Variants in DAB1 observed in about 807,000 individuals in gnomAD.
The protein encoded by DAB1 is DAB adaptor protein 1.
DAB1 carries 15 observed loss-of-function variants against 64.6 expected under a neutral mutation model. That is an observed-to-expected ratio of 0.23 (90% CI 0.16 to 0.36). The LOEUF (loss-of-function observed/expected upper bound fraction) is 0.36. DAB1 is among the 10% of genes least tolerant of loss of function. DAB1 has a pLI of 1.00. For synonymous variants in DAB1, 235 were observed against 251.9 expected (o/e 0.93, Z 0.64); for missense variants, 596 against 706.7 (o/e 0.84, Z 1.78).
At chr1:57,288,067 A>G (rs1672472633) in intron 2 of DAB1, among the ~76,000 whole-genome samples, 1 of 152,168 alleles carries the variant, frequency 6.6e-6, no homozygotes, top group Admixed American at 6.5e-5. Flanking sequence ...AAGTGCAGGG[A>G]TTACAGGCGT....
chr1:57,426,924 C>T (rs939326244), upstream of DAB1, among the ~76,000 whole-genome samples: 10 of 150,454 alleles, frequency 6.6e-5, no homozygotes, highest in African/African-American at 2.4e-4. Context: ...AGTGCAGTGG[C>T]GCGATCTCGG....
At chr1:58,338,457 T>C (rs968912532) in intron 4 of DAB1, among the ~76,000 whole-genome samples, 11 of 152,348 alleles carry the variant, frequency 7.2e-5, no homozygotes, top group East Asian at 3.9e-4. Flanking sequence ...TGTGGCATTA[T>C]TGAATCTTTA....
chr1:57,782,543 T>C (rs1288968372), intron 6 of DAB1, among the ~76,000 whole-genome samples: 1 of 152,226 alleles, frequency 6.6e-6, no homozygotes, highest in Admixed American at 6.5e-5. Flanking sequence ...GCCAATATCA[T>C]GCCATAACCC....
chr1:58,085,056 G>C (rs1418688237), intron 5 of DAB1, among the ~76,000 whole-genome samples: 1 of 152,138 alleles, frequency 6.6e-6, no homozygotes. Context: ...CATTTAATGA[G>C]GGCCAGTGAA....
chr1:58,414,212 G>A (rs985833448), intron 3 of DAB1, among the ~76,000 whole-genome samples: 4 of 152,078 alleles, frequency 2.6e-5, no homozygotes, highest in African/African-American at 9.7e-5. Flanking sequence ...GATGAAAAGT[G>A]TCATCATCCA....
chr1:58,053,699 T>C (rs916160106), intron 5 of DAB1, among the ~76,000 whole-genome samples: 5 of 152,224 alleles, frequency 3.3e-5, no homozygotes, highest in African/African-American at 9.6e-5. Flanking sequence ...AGATAATATA[T>C]GAAAGTAGGT....
rs1164939110 is a variant in DAB1 at position 57,877,710 on chromosome 1, A to C, written n.87+6289T>G. Among the ~76,000 whole-genome samples the C allele has an allele frequency of 2.4e-5, 2 of 82,288 alleles. 1 individual carries two copies. Among genetic ancestry groups the C allele is most frequent in the Non-Finnish European group, 4.9e-5 (2 of 41,224 alleles). 54.0% of individuals were successfully genotyped at this position (82,288 alleles called of 152,430 possible). On this transcript the variant is annotated intron_variant and non_coding_transcript_variant, in intron 1 of 1. Transcript: ENST00000477280. ...CGAGTAGCTGGGACTACAGGCGCCCACCACCGCGCCCGGCTAATTTTTTTT... is the reference window on the plus strand; with the variant it reads ...CGAGTAGCTGGGACTACAGGCGCCCCCCACCGCGCCCGGCTAATTTTTTTT...
chr1:58,369,332 GCT>G (rs1181432133), intron 3 of DAB1, among the ~76,000 whole-genome samples: 3 of 152,174 alleles, frequency 2.0e-5, no homozygotes, highest in Non-Finnish European at 2.9e-5. Flanking sequence ...TAATACCATT[GCT>G]TTAATGGTAC....
chr1:57,043,509 A>T (rs1005749199), intron 9 of DAB1, among the ~76,000 whole-genome samples: 2 of 152,128 alleles, frequency 1.3e-5, no homozygotes. Context: ...ACTTTTGCCC[A>T]CTTAAGTTCA....
chr1:57,268,981 A>T (rs924872241), intron 2 of DAB1, among the ~76,000 whole-genome samples: 1 of 152,186 alleles, frequency 6.6e-6, no homozygotes, highest in East Asian at 1.9e-4. Flanking sequence ...AGTAGGTGCC[A>T]TGACCGAGCC....
Position 56,994,917 on chromosome 1 carries a change from A to C in DAB1, c.*3227T>G, listed in dbSNP as rs1223898474. On this transcript the variant is annotated 3_prime_UTR_variant, in exon 15 of 15. Transcript: ENST00000371236. The stretch of plus-strand genomic sequence containing the variant: ...AATAATGTGTCCATATATGTTAACA[A>C]ACTGTCATCTGAGGTAAAGTTAAAG... 6.6e-6 allele frequency: 1 copy of C among 152,248 alleles called. No individual in the cohort carries two copies. The highest frequency in any genetic ancestry group is 2.1e-4 in the South Asian group (1 of 4,834). The allele number at this position is 152,248 out of a possible 1,614,324, so 9.4% of individuals were successfully genotyped here. A position where few individuals can be genotyped will look rare whatever the true frequency, so the allele number is the denominator to read the frequency against.
intron 1 of DAB1, among the ~76,000 whole-genome samples, chr1:57,392,417 C>T (rs1365496498): frequency 1.3e-5 from 2 of 152,056 alleles, no homozygotes; most frequent in East Asian, 3.9e-4. Flanking sequence ...AACGAACACT[C>T]CTACTTATTA....
At chr1:57,822,829 G>A (rs1418288098), downstream of DAB1, among the ~76,000 whole-genome samples, 1 of 151,960 alleles carries the variant, frequency 6.6e-6, no homozygotes, top group Non-Finnish European at 1.5e-5. Flanking sequence ...TTTCAACATG[G>A]AATCATTATT....
At chr1:57,514,883 T>C (rs893311429) in intron 7 of DAB1, among the ~76,000 whole-genome samples, 2 of 152,180 alleles carry the variant, frequency 1.3e-5, no homozygotes, top group African/African-American at 4.8e-5. Flanking sequence ...TCTTATAGTG[T>C]TGTTCTAAGG....
At chr1:57,300,619 T>G (rs929408987) in intron 1 of DAB1, among the ~76,000 whole-genome samples, 4 of 152,248 alleles carry the variant, frequency 2.6e-5, no homozygotes, top group Admixed American at 6.5e-5. Flanking sequence ...GAAGGAGAGA[T>G]AGGCCAGAAT....
chr1:57,108,591 G>C (rs78529412), intron 4 of DAB1, among the ~76,000 whole-genome samples: 2 of 152,220 alleles, frequency 1.3e-5, no homozygotes, highest in East Asian at 3.9e-4. Context: ...GCAGGGCATC[G>C]TCTTGCTTAA....
intron 1 of DAB1, among the ~76,000 whole-genome samples, chr1:57,338,103 G>T (rs1319335393): frequency 6.6e-6 from 1 of 151,982 alleles, no homozygotes; most frequent in Non-Finnish European, 1.5e-5. Context: ...TTCCACCTCA[G>T]CCTCCAGAGT....
At chr1:57,585,926 G>A (rs74741618) in intron 7 of DAB1, among the ~76,000 whole-genome samples, 2,221 of 152,274 alleles carry the variant, frequency 0.015, 69 homozygotes, top group African/African-American at 0.047. Context: ...CAGCTGTGGA[G>A]CCTTGAGCAA....
intron 7 of DAB1, among the ~76,000 whole-genome samples, chr1:57,473,015 TACTGAATGCCTTG>T (rs1224643120): frequency 6.6e-6 from 1 of 152,210 alleles, no homozygotes; most frequent in Non-Finnish European, 1.5e-5. Flanking sequence ...CTCCATGTCA[TACTGAATGCCTTG>T]ACTACTCTAG....
Sources: allele counts gnomAD v4.1 joint callset (sites outside exome capture counted in the v4.1 genomes callset), GRCh38; gene constraint gnomAD v4.1.1; transcripts MANE v1.5; gene names NCBI Gene and HGNC (gene_info 2026-07-23, HGNC 2026-07-21).